Variants in CEP104 observed in about 807,000 individuals in gnomAD.
The protein encoded by CEP104 is centrosomal protein 104, also known as centrosomal protein of 104 kDa.
In CEP104, 84 loss-of-function variants were observed where a neutral mutation model predicts 113.3. That is an observed-to-expected ratio of 0.74 (90% CI 0.62 to 0.89). The LOEUF (loss-of-function observed/expected upper bound fraction) is 0.89, where lower values mean the gene tolerates loss of function less well. Among genes scored for constraint, CEP104 ranks in the 40% least tolerant of loss-of-function variants. CEP104 has a pLI of 0.00. For synonymous variants in CEP104, 378 were observed against 421.7 expected (o/e 0.90, Z 1.27); for missense variants, 1,053 against 1,156.6 (o/e 0.91, Z 1.30).
intron 2 of CEP104, among the ~76,000 whole-genome samples, chr1:3,851,736 G>T (rs151150711): frequency 6.6e-6 from 1 of 152,322 alleles, no homozygotes; most frequent in Non-Finnish European, 1.5e-5. Context: ...GGCAGCCTTG[G>T]ACTTCTGGGC....
At chr1:3,851,514 G>A (rs922477250) in intron 2 of CEP104, among the ~76,000 whole-genome samples, 1 of 152,102 alleles carries the variant, frequency 6.6e-6, no homozygotes, top group Non-Finnish European at 1.5e-5. Flanking sequence ...ATGGGGTGGA[G>A]GGTGGGTTTT....
chr1:3,831,902 T>C (rs1420326916), intron 12 of CEP104, among the ~76,000 whole-genome samples: 1 of 152,108 alleles, frequency 6.6e-6, no homozygotes, highest in Non-Finnish European at 1.5e-5. Flanking sequence ...TGTGAGTGAC[T>C]CTGTACAAAT....
At chr1:3,826,078 A>C (rs1025806119) in intron 17 of CEP104, among the ~76,000 whole-genome samples, 2 of 152,194 alleles carry the variant, frequency 1.3e-5, no homozygotes, top group African/African-American at 4.8e-5. Flanking sequence ...CATGTGTTAA[A>C]GCACGATAGG....
intron 2 of CEP104, among the ~76,000 whole-genome samples, chr1:3,850,675 T>C (rs566555313): frequency 6.6e-6 from 1 of 152,308 alleles, no homozygotes; most frequent in South Asian, 2.1e-4. Context: ...TATCCTCCTT[T>C]GTCTTTCTGC....
intron 4 of CEP104, among the ~76,000 whole-genome samples, 171 bp from the exon 5 acceptor site, chr1:3,845,522 T>C (rs916756676): frequency 6.6e-6 from 1 of 152,124 alleles, no homozygotes; most frequent in African/African-American, 2.4e-5. Context: ...TCCTTCACCT[T>C]AGCTGCCCTG....
Position 3,837,487 on chromosome 1 carries a change from G to A in CEP104, c.924C>T (p.Pro308=). ...MRRPFDLPLQ[P]LARSGSPCHQ... is the part of the protein sequence containing the mutation. ...GGCAAGGACTGCCAGAACGAGCGAG[G>A]GGCTGGAGGGGCAAATCAAAAGGTC... Residue 308 remains proline, a synonymous_variant, in exon 9 of 22, where the codon CCC becomes CCT. Transcript: ENST00000378230. The A allele has an allele frequency of 6.2e-7, 1 of 1,614,204 alleles. No homozygotes were observed. The highest frequency in any genetic ancestry group is 8.5e-7 in the Non-Finnish European group (1 of 1,180,036).
In CEP104 at chr1:3,829,941, T is replaced by A; in HGVS notation, c.1893A>T (p.Arg631=). Residue 631 remains arginine (R), a synonymous_variant, in exon 14 of 22, where the codon CGA becomes CGT. Coordinates refer to ENST00000378230, the MANE Select transcript of CEP104 (RefSeq NM_014704.4). ...GCTGTCTGTACATGTCCAAAATAAT[T>A]CGAACCGCCGTCTCGCGGACCTCAT... ...RVYEVRETAV[R]IILDMYRQHQ... 6.2e-7 allele frequency: 1 copy of A among 1,614,150 alleles called. No homozygotes were observed. Among genetic ancestry groups the A allele is most frequent in the Non-Finnish European group, 8.5e-7 (1 of 1,180,032 alleles).
At position 3,846,830 on chromosome 1, in the gene CEP104, T is replaced by A. The variant is rs79289264; in HGVS notation, c.426+645A>T. 8.7e-3 allele frequency among the ~76,000 whole-genome samples: 1,319 copies of A among 152,216 alleles called. 44 individuals carry two copies. The East Asian group carries it at 0.1, about 12-fold the overall frequency. On this transcript the variant is annotated intron_variant, in intron 4 of 21. Transcript: ENST00000378230. ...TAAATGCTTGTGCTAATTAACAAGA[T>A]TGCTTTGGACACAATTGATTTCTAC... is the stretch of plus-strand genomic sequence containing the variant.
intron 12 of CEP104, 135 bp from the exon 13 acceptor site, chr1:3,831,357 G>A (rs983648827): frequency 1.9e-5 from 13 of 667,720 alleles, no homozygotes; most frequent in South Asian, 2.2e-5. Flanking sequence ...AAGGAGCAAT[G>A]AGAGCACTGA....
At chr1:3,843,292 CA>C (rs1277143862) in intron 6 of CEP104, 3 of 653,602 alleles carry the variant, frequency 4.6e-6, no homozygotes, top group Non-Finnish European at 8.4e-6. Context: ...TTTAGCTCCC[CA>C]AAAGTGGATT....
In CEP104 at chr1:3,829,975, T is replaced by A; in HGVS notation, c.1859A>T (p.His620Leu). Reference sequence around the variant, plus strand: ...CGTCTCGCGGACCTCATACACTCTATGCTCCAGGGCACTCACTGAAAACTA... The same window carrying A: ...CGTCTCGCGGACCTCATACACTCTAAGCTCCAGGGCACTCACTGAAAACTA... Reference protein sequence around the residue: ...VMKFSVSALEHRVYEVRETAV... With the variant: ...VMKFSVSALELRVYEVRETAV... The change falls in exon 14 of 22, where the codon CAT becomes CTT. Residue 620 changes from histidine to leucine, a missense_variant. Transcript: ENST00000378230. The A allele has an allele frequency of 6.2e-7, 1 of 1,614,198 alleles. No individual in the cohort carries two copies. The highest frequency in any genetic ancestry group is 1.3e-5 in the African/African-American group (1 of 75,062).
In CEP104 at chr1:3,846,359, A is replaced by C. The variant is rs566599975; in HGVS notation, c.427-1008T>G. Among the ~76,000 whole-genome samples, 9 of 152,288 alleles carry C rather than the reference A, an allele frequency of 5.9e-5. No individual in the cohort carries two copies. In the South Asian group the frequency reaches 1.7e-3, roughly 28 times the overall value. ...AAATGCAAAGGTTCAAGACAGGCAC[A>C]TTTGGGGCAGGAGGGCAGCTGGCAC... On this transcript the variant is annotated intron_variant, in intron 4 of 21. Transcript: ENST00000378230.
intron 12 of CEP104, 58 bp from the exon 13 acceptor site, chr1:3,831,280 T>A: frequency 6.7e-7 from 1 of 1,481,656 alleles, no homozygotes. Context: ...GGCAGTTTAG[T>A]ACAATTCAGC....
intron 4 of CEP104, 115 bp downstream of exon 4, chr1:3,847,360 A>T (rs1212319875): frequency 2.8e-6 from 3 of 1,089,764 alleles, no homozygotes; most frequent in Non-Finnish European, 4.0e-6. Context: ...GTCTCCCAGA[A>T]GAGATCCTCT....
chr1:3,823,363 A>G lies in CEP104; in HGVS notation c.2503+61T>C. Reference sequence around the variant, plus strand: ...CTTGCACAGGCTCAAGAGCAGTGGCACTTCCTCCAAGAGGACCCCTGGTGA... The same window carrying G: ...CTTGCACAGGCTCAAGAGCAGTGGCGCTTCCTCCAAGAGGACCCCTGGTGA... On this transcript the variant is annotated intron_variant, in intron 19 of 21. Coordinates refer to ENST00000378230, the MANE Select transcript of CEP104 (RefSeq NM_014704.4). This position sits in a 1 kb window ranked among gnomAD's most constrained non-coding sequence, Gnocchi z 4.1. 1 of 1,613,032 alleles carries G rather than the reference A, an allele frequency of 6.2e-7. No homozygotes were observed. The highest frequency in any genetic ancestry group is 2.2e-5 in the East Asian group (1 of 44,876).
intron 12 of CEP104, among the ~76,000 whole-genome samples, chr1:3,832,932 T>C (rs896538189): frequency 2.0e-5 from 3 of 151,916 alleles, no homozygotes; most frequent in African/African-American, 7.2e-5. Flanking sequence ...CTGCCTGCCT[T>C]GGTCTCCCAA....
chr1:3,847,648 T>C (rs376954298), intron 3 of CEP104, 35 bp from the exon 4 acceptor site: 3 of 1,612,586 alleles, frequency 1.9e-6, no homozygotes, highest in Non-Finnish European at 2.5e-6. Flanking sequence ...AATTTGAAAA[T>C]GTGCTGTTCA....
intron 4 of CEP104, among the ~76,000 whole-genome samples, chr1:3,846,347 C>T (rs1236640583): frequency 7.9e-5 from 12 of 152,112 alleles, no homozygotes; most frequent in Non-Finnish European, 1.8e-4. Context: ...TGCAAAGGTT[C>T]AAGACAGGCA....
intron 20 of CEP104, chr1:3,816,587 T>C (rs927007460): frequency 2.2e-5 from 11 of 490,242 alleles, no homozygotes; most frequent in Non-Finnish European, 3.6e-5. Context: ...CAAGAAGTCC[T>C]GTCACCAGGC....
Sources: gnomAD v4.1 joint callset for allele counts (sites outside exome capture counted in the v4.1 genomes callset) on GRCh38, gnomAD v4.1.1 for gene constraint, Gnocchi (gnomAD v3.1) non-coding constraint, MANE v1.5 for transcripts, NCBI Gene and HGNC (gene_info 2026-07-23, HGNC 2026-07-21) for gene names.